ANTXR1: variants seen among roughly 807,000 people sequenced by gnomAD.
ANTXR1 encodes ANTXR cell adhesion molecule 1, also known as anthrax toxin receptor 1.
Under a neutral mutation model 78.1 loss-of-function variants are expected in ANTXR1, and 19 were observed. The ratio of observed to expected loss-of-function variants is 0.24; its 90% CI spans 0.17 to 0.36. ANTXR1 has a LOEUF of 0.36. ANTXR1 is among the 10% of genes least tolerant of loss of function. The pLI is 1.00. For missense variants in ANTXR1, 518 were observed against 718.6 expected (o/e 0.72, Z 3.19); for synonymous variants, 273 against 260.5 (o/e 1.05, Z -0.46).
rs746786010 is a variant in ANTXR1, at chr2:69,193,364, G to A, written c.1383G>A (p.Leu461=). The A allele has an allele frequency of 1.9e-6, 3 of 1,613,888 alleles. No homozygotes were observed. The highest frequency in any genetic ancestry group is 2.5e-6 in the Non-Finnish European group (3 of 1,179,944). The change falls in exon 17 of 18, where the codon CTG becomes CTA. Residue 461 remains leucine, a synonymous_variant. Coordinates refer to ENST00000303714, the MANE Select transcript of ANTXR1 (RefSeq NM_032208.3). ...KGKLDALWVL[L]RKGYDRVSVM... ...AACTCGATGCCTTGTGGGTCCTACT[G>A]AGGAAAGGATATGATCGTGTGTCTG...
At chr2:69,075,540 T>C (rs752321957) in intron 6 of ANTXR1, 50 bp from the exon 7 acceptor site, 1 of 1,575,946 alleles carries the variant, frequency 6.3e-7, no homozygotes, top group East Asian at 2.2e-5. Context: ...CCAAGAGGAG[T>C]TCATTTGTCA....
At chr2:69,187,762 A>G (rs1203539934) in intron 16 of ANTXR1, among the ~76,000 whole-genome samples, 2 of 149,484 alleles carry the variant, frequency 1.3e-5, no homozygotes, top group Non-Finnish European at 3.0e-5. Flanking sequence ...TAATTTTTGT[A>G]TTTTTTTTGG....
At chr2:69,213,434 C>T (rs1020017232) in intron 17 of ANTXR1, among the ~76,000 whole-genome samples, 9 of 152,166 alleles carry the variant, frequency 5.9e-5, no homozygotes, top group South Asian at 2.1e-4. Context: ...AATGGCCAGT[C>T]GGTTTAACAA....
At chr2:69,019,966 T>C (rs1335001386) in intron 1 of ANTXR1, among the ~76,000 whole-genome samples, 4 of 152,240 alleles carry the variant, frequency 2.6e-5, no homozygotes, top group Non-Finnish European at 5.9e-5. Flanking sequence ...ACATTTGCTT[T>C]GTCTAATTTA....
chr2:69,049,414 G>A (rs1391827951), intron 3 of ANTXR1, among the ~76,000 whole-genome samples: 2 of 152,116 alleles, frequency 1.3e-5, no homozygotes, highest in East Asian at 1.9e-4. Context: ...AAGTTCAAGC[G>A]ATTCTCCTGC....
intron 14 of ANTXR1, among the ~76,000 whole-genome samples, chr2:69,181,112 T>C (rs1674265546): frequency 6.6e-6 from 1 of 152,162 alleles, no homozygotes; most frequent in Admixed American, 6.5e-5. Context: ...TCTGCTGCTT[T>C]GTGGAGAACA....
chr2:69,066,730 A>G (rs1412292649), intron 3 of ANTXR1, among the ~76,000 whole-genome samples: 1 of 152,230 alleles, frequency 6.6e-6, no homozygotes, highest in Non-Finnish European at 1.5e-5. Flanking sequence ...CCAAACTGGA[A>G]TCATTCATTT....
At chr2:69,071,596 A>T (rs1056458216) in intron 4 of ANTXR1, among the ~76,000 whole-genome samples, 158 bp from the exon 5 acceptor site, 2 of 152,346 alleles carry the variant, frequency 1.3e-5, no homozygotes, top group African/African-American at 4.8e-5. Flanking sequence ...CTTTACATGG[A>T]TATCAGCCAC....
intron 3 of ANTXR1, among the ~76,000 whole-genome samples, chr2:69,064,791 G>T (rs751859053): frequency 2.0e-5 from 3 of 152,178 alleles, no homozygotes; most frequent in Non-Finnish European, 4.4e-5. Flanking sequence ...CAATCCATGG[G>T]TTAAAGAAAA....
intron 17 of ANTXR1, among the ~76,000 whole-genome samples, chr2:69,199,964 G>A (rs1341417516): frequency 6.6e-6 from 1 of 152,128 alleles, no homozygotes; most frequent in Non-Finnish European, 1.5e-5. Context: ...AGGCTGCCAT[G>A]TCATTGCTAC....
At chr2:69,023,524 ATGATG>A (rs1278484046) in intron 1 of ANTXR1, among the ~76,000 whole-genome samples, 1 of 84,350 alleles carries the variant, frequency 1.2e-5, no homozygotes, top group Non-Finnish European at 2.0e-5. Context: ...GGAGATGATG[ATGATG>A]ATGATGATGA....
intron 1 of ANTXR1, among the ~76,000 whole-genome samples, chr2:69,028,537 C>A (rs1671427990): frequency 6.6e-6 from 1 of 152,094 alleles, no homozygotes; most frequent in East Asian, 1.9e-4. Flanking sequence ...CATATGGATT[C>A]TTTCTGAAAG....
chr2:69,204,678 AGAG>A (rs1428306769), intron 17 of ANTXR1, among the ~76,000 whole-genome samples: 1 of 152,176 alleles, frequency 6.6e-6, no homozygotes, highest in Non-Finnish European at 1.5e-5. Context: ...CCAGGCCATG[AGAG>A]GAGGATAAGC....
At position 69,121,961 on chromosome 2, in the gene ANTXR1, C is replaced by G. The variant is rs146901306; in HGVS notation, c.803-1056C>G. Among the ~76,000 whole-genome samples the G allele has an allele frequency of 3.8e-3, 574 of 152,268 alleles. 9 individuals carry two copies. The highest frequency in any genetic ancestry group is 0.036 in the East Asian group (188 of 5,178). On this transcript the variant is annotated intron_variant, in intron 10 of 17. Transcript: ENST00000303714. ...CCATTAGAAGAAGCACAAGAACTTCCCTACTCCAAGAGTCCCCGACTCTGA... is the reference window on the plus strand; with the variant it reads ...CCATTAGAAGAAGCACAAGAACTTCGCTACTCCAAGAGTCCCCGACTCTGA...
chr2:69,027,621 A>AGTGT (rs10631795), intron 1 of ANTXR1, among the ~76,000 whole-genome samples: 2,902 of 146,908 alleles, frequency 0.02, 84 homozygotes, highest in African/African-American at 0.063. Flanking sequence ...AGATGATGCA[A>AGTGT]GTGTGTGTGT....
chr2:69,056,979 G>T (rs12464309), intron 3 of ANTXR1, among the ~76,000 whole-genome samples: 27,579 of 151,992 alleles, frequency 0.18, 3,099 homozygotes, highest in East Asian at 0.45. Context: ...ACAACCAGCC[G>T]AAACTTTATT....
intron 8 of ANTXR1, among the ~76,000 whole-genome samples, chr2:69,087,972 T>C (rs1467771836): frequency 6.6e-6 from 1 of 152,114 alleles, no homozygotes; most frequent in African/African-American, 2.4e-5. Context: ...ATCCTGCCCA[T>C]CCCCCTCACT....
At chr2:69,059,271 G>A (rs1670159174) in intron 3 of ANTXR1, among the ~76,000 whole-genome samples, 1 of 152,120 alleles carries the variant, frequency 6.6e-6, no homozygotes, top group Non-Finnish European at 1.5e-5. Flanking sequence ...TTGTGTGAAA[G>A]GAAGAGTGAA....
intron 13 of ANTXR1, among the ~76,000 whole-genome samples, chr2:69,153,742 C>G (rs150756207): frequency 4.4e-4 from 67 of 152,280 alleles, no homozygotes; most frequent in Non-Finnish European, 6.9e-4. Flanking sequence ...AAAGAAGAGT[C>G]GGCAGGCCTG....
Sources: allele counts gnomAD v4.1 joint callset (sites outside exome capture counted in the v4.1 genomes callset), GRCh38; gene constraint gnomAD v4.1.1; transcripts MANE v1.5; gene names NCBI Gene and HGNC (gene_info 2026-07-23, HGNC 2026-07-21).